Variants in ALLC observed in about 807,000 individuals in gnomAD.
The protein encoded by ALLC is allantoicase.
A neutral mutation model predicts 45.0 loss-of-function variants in ALLC; 40 were observed. That is an observed-to-expected ratio of 0.89 (90% CI 0.69 to 1.16). ALLC has a LOEUF of 1.16. Ranked by LOEUF, ALLC falls within the 50% of genes most tolerant of loss-of-function variation. The pLI is 0.00. For synonymous variants in ALLC, 176 were observed against 178.1 expected (o/e 0.99, Z 0.09); for missense variants, 488 against 493.1 (o/e 0.99, Z 0.10).
the ALLC span, among the ~76,000 whole-genome samples, chr2:3,650,739 G>T: frequency 6.6e-6 from 1 of 152,182 alleles, no homozygotes; most frequent in Non-Finnish European, 1.5e-5. Flanking sequence ...TCCCATGTGG[G>T]TACCCACTGT....
rs538055851 is a variant in ALLC, at chr2:3,664,875, C to T, written c.-62-6221C>T. On this transcript the variant is annotated intron_variant, in intron 1 of 11. Transcript: ENST00000252505. ...TTCCAACCTGGGCAACAAAGAAAGA[C>T]TCTGTCTCCAAAAAAAAAAACAAAA... is the stretch of plus-strand genomic sequence containing the variant. Among the ~76,000 whole-genome samples, 532 of 150,220 alleles carry T rather than the reference C, an allele frequency of 3.5e-3. 2 individuals carry two copies. Among genetic ancestry groups the T allele is most frequent in the Non-Finnish European group, 6.3e-3 (424 of 67,732 alleles).
the ALLC span, among the ~76,000 whole-genome samples, chr2:3,648,049 G>A: frequency 3.3e-5 from 5 of 151,976 alleles, no homozygotes; most frequent in African/African-American, 1.2e-4. Flanking sequence ...GTGGGGCAAT[G>A]GGCAGTGGGT....
At chr2:3,681,389 A>G (rs574494191) in intron 5 of ALLC, among the ~76,000 whole-genome samples, 1 of 152,316 alleles carries the variant, frequency 6.6e-6, no homozygotes, top group South Asian at 2.1e-4. Flanking sequence ...TAACTTGGAG[A>G]TGACATTTAC....
chr2:3,698,456 C>G lies in ALLC; in HGVS notation c.850+1000C>G, dbSNP rs142926069. Among the ~76,000 whole-genome samples, 832 of 152,252 alleles carry G rather than the reference C, an allele frequency of 5.5e-3. 5 individuals are homozygous for G. The highest frequency in any genetic ancestry group is 0.019 in the African/African-American group (787 of 41,532). ...AGAGAAGGGTCCTAAGCAGATTGAC[C>G]GGGGAAGGGGAGTGACCATTTCTTC... On this transcript the variant is annotated intron_variant, in intron 10 of 11. Transcript: ENST00000252505.
chr2:3,652,833 C>T, the ALLC span, among the ~76,000 whole-genome samples: 5 of 152,124 alleles, frequency 3.3e-5, no homozygotes, highest in Non-Finnish European at 7.4e-5. Flanking sequence ...CAGCCTGGCT[C>T]AGCATCCCAA....
intron 3 of ALLC, 121 bp downstream of exon 3, chr2:3,674,246 C>A: frequency 1.3e-6 from 1 of 740,844 alleles, no homozygotes; most frequent in Non-Finnish European, 2.3e-6. Flanking sequence ...GGCAAATTAG[C>A]ATATTAGAAT....
At chr2:3,701,005 A>T (rs536919301) in intron 10 of ALLC, among the ~76,000 whole-genome samples, 1 of 152,106 alleles carries the variant, frequency 6.6e-6, no homozygotes, top group South Asian at 2.1e-4. Flanking sequence ...AGGACCATAT[A>T]CTCTCACCTG....
At chr2:3,694,194 G>C (rs1260655123) in intron 7 of ALLC, among the ~76,000 whole-genome samples, 1 of 152,144 alleles carries the variant, frequency 6.6e-6, no homozygotes, top group Non-Finnish European at 1.5e-5. Flanking sequence ...TGCTTTTCTG[G>C]GTTGAATATG....
intron 10 of ALLC, among the ~76,000 whole-genome samples, chr2:3,700,600 A>T (rs1679888943): frequency 1.3e-5 from 2 of 152,200 alleles, no homozygotes; most frequent in African/African-American, 4.8e-5. Flanking sequence ...CTGTAATGGA[A>T]ATGAGGGAGC....
chr2:3,656,124 G>A (rs535929505), upstream of ALLC, among the ~76,000 whole-genome samples: 11 of 152,354 alleles, frequency 7.2e-5, no homozygotes, highest in South Asian at 6.2e-4. Context: ...CGCAGGGGTC[G>A]GGAGGAGCCC....
intron 1 of ALLC, among the ~76,000 whole-genome samples, chr2:3,666,639 C>T (rs747284981): frequency 3.9e-5 from 6 of 152,246 alleles, no homozygotes; most frequent in Non-Finnish European, 7.3e-5. Context: ...AACAGGGCAG[C>T]GCGCAGTCAG....
intron 1 of ALLC, among the ~76,000 whole-genome samples, 172 bp downstream of exon 1, chr2:3,658,466 C>A (rs1054963561): frequency 3.3e-5 from 5 of 152,264 alleles, no homozygotes; most frequent in South Asian, 2.1e-4. Flanking sequence ...GTGTTGGTAC[C>A]GGGCGTGGCC....
chr2:3,694,836 T>C (rs1049124019), intron 7 of ALLC: 1 of 152,234 alleles, frequency 6.6e-6, no homozygotes, highest in Non-Finnish European at 1.5e-5. Flanking sequence ...AAATTAATTT[T>C]CTATATTAAA....
chr2:3,663,861 T>C lies in ALLC; in HGVS notation c.-63+5567T>C, dbSNP rs1238439122. 2.0e-5 allele frequency among the ~76,000 whole-genome samples: 3 copies of C among 152,262 alleles called. No individual in the cohort carries two copies. In the East Asian group the frequency reaches 5.8e-4, roughly 29 times the overall value. ...TGCTGTCTGGCAGAACTTTCTGTAATGATGGAAAATCTCTTCTGTTCTGTT... is the reference window on the plus strand; with the variant it reads ...TGCTGTCTGGCAGAACTTTCTGTAACGATGGAAAATCTCTTCTGTTCTGTT... On this transcript the variant is annotated intron_variant, in intron 1 of 11. Transcript: ENST00000252505.
the ALLC span, among the ~76,000 whole-genome samples, chr2:3,651,512 G>A: frequency 1.3e-5 from 2 of 151,184 alleles, no homozygotes; most frequent in South Asian, 4.2e-4. Flanking sequence ...AGAGGCCGAG[G>A]TGTCAGACTC....
chr2:3,671,394 G>A (rs1261051775), intron 2 of ALLC, among the ~76,000 whole-genome samples: 2 of 152,262 alleles, frequency 1.3e-5, no homozygotes, highest in Non-Finnish European at 2.9e-5. Context: ...TACTGCCTTA[G>A]ATTTTGTGTG....
intron 10 of ALLC, among the ~76,000 whole-genome samples, chr2:3,698,767 T>A (rs1235053870): frequency 6.6e-6 from 1 of 151,586 alleles, no homozygotes; most frequent in Non-Finnish European, 1.5e-5. Context: ...TATTTATTTA[T>A]TTATTTAATT....
At chr2:3,667,238 G>A (rs369385570) in intron 1 of ALLC, among the ~76,000 whole-genome samples, 3 of 152,270 alleles carry the variant, frequency 2.0e-5, no homozygotes, top group Non-Finnish European at 4.4e-5. Flanking sequence ...GCTGCACCTC[G>A]AGGGGGCCTC....
the ALLC span, among the ~76,000 whole-genome samples, chr2:3,650,367 G>A: frequency 1.3e-5 from 2 of 152,220 alleles, no homozygotes; most frequent in East Asian, 1.9e-4. Flanking sequence ...GCCGGCCACC[G>A]GGCTGATGGC....
Sources: allele counts gnomAD v4.1 joint callset (sites outside exome capture counted in the v4.1 genomes callset), GRCh38; gene constraint gnomAD v4.1.1; transcripts MANE v1.5; gene names NCBI Gene and HGNC (gene_info 2026-07-23, HGNC 2026-07-21).